The following RNF125 variants were observed in gnomAD, a reference collection of about 807,000 sequenced individuals.
RNF125 encodes the protein ring finger protein 125.
In RNF125, 21 loss-of-function variants were observed where a neutral mutation model predicts 26.0. The observed-to-expected ratio is 0.81, with a 90% CI of 0.57 to 1.16. The LOEUF is 1.16. Among genes scored for constraint, RNF125 ranks in the 50% most tolerant of loss-of-function variants. The probability of loss-of-function intolerance (pLI) is 0.00; values close to 1 mark genes in which losing one functional copy is unlikely to be tolerated. For missense variants in RNF125, 270 were observed against 299.4 expected (o/e 0.90, Z 0.72); for synonymous variants, 95 against 109.2 (o/e 0.87, Z 0.81).
chr18:32,081,541 C>A, the RNF125 span, among the ~76,000 whole-genome samples: 1 of 152,096 alleles, frequency 6.6e-6, no homozygotes. Flanking sequence ...AGTGATTGTA[C>A]CATCTCTTAG....
chr18:32,044,300 C>T (rs527999051), intron 3 of RNF125, among the ~76,000 whole-genome samples: 89 of 152,128 alleles, frequency 5.9e-4, no homozygotes, highest in African/African-American at 1.9e-3. Context: ...CCACTGCTCC[C>T]GGCCTAGAAA....
the RNF125 span, among the ~76,000 whole-genome samples, chr18:32,090,310 C>G: frequency 1.3e-5 from 2 of 152,136 alleles, no homozygotes; most frequent in African/African-American, 4.8e-5. Context: ...CTCAAAGAAC[C>G]ATTTTATAAG....
At chr18:32,049,417 A>G (rs2039303009) in intron 4 of RNF125, among the ~76,000 whole-genome samples, 1 of 152,186 alleles carries the variant, frequency 6.6e-6, no homozygotes, top group South Asian at 2.1e-4. Context: ...TCAGGCATAT[A>G]ATAAAGTAAG....
At chr18:32,038,034 G>A (rs1041088962) in intron 2 of RNF125, among the ~76,000 whole-genome samples, 2 of 147,820 alleles carry the variant, frequency 1.4e-5, no homozygotes, top group African/African-American at 5.0e-5. Context: ...CACTCTTTGG[G>A]TCCGTGCCAT....
intron 1 of RNF125, among the ~76,000 whole-genome samples, chr18:32,025,548 C>G (rs1598807242): frequency 6.6e-6 from 1 of 151,620 alleles, no homozygotes; most frequent in Admixed American, 6.6e-5. Context: ...ACCTGTAATT[C>G]CAGCAACTCA....
At chr18:32,046,183 C>T (rs909557103) in intron 4 of RNF125, among the ~76,000 whole-genome samples, 1 of 132,864 alleles carries the variant, frequency 7.5e-6, no homozygotes, top group African/African-American at 2.9e-5. Flanking sequence ...AGCCACTGTA[C>T]TCCAGCCTGG....
At chr18:32,020,192 C>T (rs966797678) in intron 1 of RNF125, among the ~76,000 whole-genome samples, 1 of 151,880 alleles carries the variant, frequency 6.6e-6, no homozygotes, top group African/African-American at 2.4e-5. Context: ...GGATTACAGG[C>T]GCCCACCCCC....
At chr18:32,028,297 T>TAAAAA (rs1156859954) in intron 1 of RNF125, among the ~76,000 whole-genome samples, 12 of 72,378 alleles carry the variant, frequency 1.7e-4, no homozygotes, top group Non-Finnish European at 2.6e-4. Flanking sequence ...GACTCCGTCT[T>TAAAAA]AAAAAAAAAA....
chr18:32,037,557 A>G (rs375377743), intron 2 of RNF125, among the ~76,000 whole-genome samples: 1 of 151,714 alleles, frequency 6.6e-6, no homozygotes, highest in East Asian at 1.9e-4. Context: ...TATTTTTAGT[A>G]GAGACACGGT....
intron 4 of RNF125, among the ~76,000 whole-genome samples, chr18:32,054,077 A>T (rs1242528234): frequency 6.7e-6 from 1 of 148,382 alleles, no homozygotes; most frequent in Non-Finnish European, 1.5e-5. Context: ...GCCTGTGAAG[A>T]CATTTGTACT....
the RNF125 span, among the ~76,000 whole-genome samples, chr18:32,085,422 G>A: frequency 7.1e-6 from 1 of 140,726 alleles, no homozygotes; most frequent in Non-Finnish European, 1.5e-5. Context: ...AGAGAAAGCT[G>A]GGTGAGGGGG....
At position 32,071,752 on chromosome 18, in the gene RNF125, AG is replaced by A. The variant is rs1038706083; in HGVS notation, c.*3369del. On this transcript the variant is annotated 3_prime_UTR_variant, in exon 6 of 6. Transcript: ENST00000217740. ...AGTACAAATAATTGGGAAAATGTAA[AG>A]CTGAATGAAATCTAGTGAGCCTCAT... The A allele has an allele frequency of 5.3e-5, 8 of 152,198 alleles. No individual in the cohort carries two copies. The highest frequency in any genetic ancestry group is 1.9e-4 in the African/African-American group (8 of 41,458). 9.4% of individuals were successfully genotyped at this position (152,198 alleles called of 1,614,324 possible).
chr18:32,045,768 T>C, intron 4 of RNF125, 36 bp downstream of exon 4: 1 of 1,311,478 alleles, frequency 7.6e-7, no homozygotes, highest in East Asian at 2.3e-5. Flanking sequence ...CAGCAATGTC[T>C]GAATTCAGGA....
At chr18:32,034,266 C>T (rs1370409594) in intron 1 of RNF125, among the ~76,000 whole-genome samples, 1 of 152,164 alleles carries the variant, frequency 6.6e-6, no homozygotes, top group African/African-American at 2.4e-5. Flanking sequence ...AACAGACAAC[C>T]TCGCGGATCT....
chr18:32,021,581 A>G (rs2038987408), intron 1 of RNF125, among the ~76,000 whole-genome samples: 1 of 152,226 alleles, frequency 6.6e-6, no homozygotes, highest in Admixed American at 6.5e-5. Flanking sequence ...ATAACAGCCT[A>G]AAGATATCTC....
At chr18:32,063,517 A>G (rs1247941480) in intron 4 of RNF125, among the ~76,000 whole-genome samples, 1 of 152,218 alleles carries the variant, frequency 6.6e-6, no homozygotes, top group African/African-American at 2.4e-5. Context: ...GTTTGGCAAT[A>G]TTTTACAAAG....
chr18:32,045,714 A>G lies in RNF125; in HGVS notation c.486A>G (p.Arg162=), dbSNP rs770351936. The G allele has an allele frequency of 1.9e-6, 3 of 1,612,510 alleles. No homozygotes were observed. Among genetic ancestry groups the G allele is most frequent in the Non-Finnish European group, 2.5e-6 (3 of 1,179,218 alleles). The change falls in exon 4 of 6, where the codon AGA becomes AGG. Residue 162 remains arginine (R), a synonymous_variant. Coordinates refer to ENST00000217740, the MANE Select transcript of RNF125 (RefSeq NM_017831.4). ...TGGATCATTGTATTACTCATCACAG[A>G]TCGGAACGGAGGCCTGTGGTAAGGA... is the stretch of plus-strand genomic sequence containing the variant. ...SLLDHCITHH[R]SERRPVFCPL... is the part of the protein sequence containing the mutation.
chr18:32,062,339 C>A (rs2039442793), intron 4 of RNF125, among the ~76,000 whole-genome samples: 1 of 152,146 alleles, frequency 6.6e-6, no homozygotes, highest in South Asian at 2.1e-4. Context: ...ATTAATAGTG[C>A]TCTTTTGTTG....
chr18:32,027,921 T>A (rs2039052817), intron 1 of RNF125, among the ~76,000 whole-genome samples: 2 of 151,514 alleles, frequency 1.3e-5, no homozygotes, highest in Admixed American at 6.6e-5. Flanking sequence ...CAAGACAAGT[T>A]ATAAGAGGGA....
Sources: allele counts gnomAD v4.1 joint callset (sites outside exome capture counted in the v4.1 genomes callset), GRCh38; gene constraint gnomAD v4.1.1; transcripts MANE v1.5; gene names NCBI Gene and HGNC (gene_info 2026-07-23, HGNC 2026-07-21).